ATP13A3: variants seen among roughly 807,000 people sequenced by gnomAD.
The protein encoded by ATP13A3 is polyamine-transporting ATPase 13A3.
Under a neutral mutation model 158.1 loss-of-function variants are expected in ATP13A3, and 59 were observed. The ratio of observed to expected loss-of-function variants is 0.37; its 90% CI spans 0.30 to 0.46. The LOEUF is 0.46. ATP13A3 is among the 20% of genes least tolerant of loss of function. ATP13A3 has a pLI of 1.00. For synonymous variants in ATP13A3, 491 were observed against 504.3 expected, an observed-to-expected ratio of 0.97 and a Z score of 0.35; for missense variants, 1,166 against 1,525.2, an observed-to-expected ratio of 0.76 and a Z score of 3.92.
At chr3:194,437,609 AT>A in intron 17 of ATP13A3, 36 bp from the exon 18 acceptor site, 1 of 1,552,422 alleles carries the variant, frequency 6.4e-7, no homozygotes, top group Middle Eastern at 2.2e-4. Flanking sequence ...AATAGTACAG[AT>A]TAACTCTATT....
At position 194,419,872 on chromosome 3, in the gene ATP13A3, G is replaced by A. The variant is rs184883864; in HGVS notation, c.3402+7C>T. 14 of 1,562,184 alleles carry A rather than the reference G, an allele frequency of 9.0e-6. No homozygotes were observed. The highest frequency in any genetic ancestry group is 1.2e-5 in the Non-Finnish European group (14 of 1,165,736). On this transcript the variant is annotated splice_region_variant and intron_variant, in intron 31 of 33. Coordinates refer to ENST00000645319, the MANE Select transcript of ATP13A3 (RefSeq NM_001367549.1). ...TTCCCCAAACAAATGATGTGCTTAA[G>A]TCTTACCTGAAGAACCTGGTCAACA...
intron 29 of ATP13A3, 95 bp from the exon 30 acceptor site, chr3:194,425,624 TAACA>T (rs1205210441): frequency 6.5e-5 from 62 of 948,142 alleles, no homozygotes; most frequent in Admixed American, 1.0e-4. Context: ...ATCACTATCA[TAACA>T]AATAGAAATA....
chr3:194,417,396 G>GATACACAC (rs1553795703), intron 31 of ATP13A3, among the ~76,000 whole-genome samples: 1 of 118,054 alleles, frequency 8.5e-6, no homozygotes, highest in Admixed American at 9.0e-5. Context: ...GCCAGATTCT[G>GATACACAC]ACACACACAC....
intron 31 of ATP13A3, among the ~76,000 whole-genome samples, chr3:194,414,067 G>A (rs1211600835): frequency 6.6e-6 from 1 of 152,090 alleles, no homozygotes; most frequent in Non-Finnish European, 1.5e-5. Context: ...AAGTGACTGA[G>A]GTTAGAGTCA....
chr3:194,455,836 C>A (rs947438707), intron 8 of ATP13A3, 57 bp downstream of exon 8: 3 of 1,070,244 alleles, frequency 2.8e-6, no homozygotes, highest in Non-Finnish European at 2.7e-6. Context: ...CAACTCATTC[C>A]AAATTGACAC....
chr3:194,430,592 T>C (rs1199470360), intron 24 of ATP13A3, among the ~76,000 whole-genome samples: 1 of 152,216 alleles, frequency 6.6e-6, no homozygotes, highest in Non-Finnish European at 1.5e-5. Context: ...GCAAAGCGCT[T>C]GTGCCTACAG....
At chr3:194,457,640 A>G (rs1719322929) in intron 6 of ATP13A3, among the ~76,000 whole-genome samples, 1 of 152,154 alleles carries the variant, frequency 6.6e-6, no homozygotes, top group East Asian at 1.9e-4. Context: ...CATCTCCATA[A>G]AAGCATCAAG....
At chr3:194,409,928 T>A (rs566872381) in intron 33 of ATP13A3, among the ~76,000 whole-genome samples, 2 of 152,006 alleles carry the variant, frequency 1.3e-5, no homozygotes, top group Non-Finnish European at 2.9e-5. Context: ...AATGAAAGTA[T>A]GTCACTTTGT....
chr3:194,453,836 A>G, intron 9 of ATP13A3, 58 bp from the exon 10 acceptor site: 1 of 1,314,972 alleles, frequency 7.6e-7, no homozygotes, highest in Admixed American at 1.9e-5. Context: ...CTCAGGAAAA[A>G]AGCCAGAGTG....
Position 194,419,913 on chromosome 3 carries a change from A to C in ATP13A3, c.3368T>G (p.Leu1123Trp), listed in dbSNP as rs1235934554. ...FLYIFILFIM[L>W]YPVASVDQVL... Reference sequence around the variant, plus strand: ...CTGGTCAACAGAGGCAACTGGATACAACATGATGAATAATATAAAAATATA... The same window carrying C: ...CTGGTCAACAGAGGCAACTGGATACCACATGATGAATAATATAAAAATATA... The change falls in exon 31 of 34, where the codon TTG (leucine) becomes TGG (tryptophan). Residue 1123 changes from leucine to tryptophan, a missense_variant. Physicochemically the swap from Leu to Trp is moderately conservative, Grantham distance 61 (BLOSUM62 -2). This residue lies in a region of ATP13A3 where 997 missense variants were observed against 1,341.2 expected (regional missense o/e 0.74). Transcript: ENST00000645319. 13 of 1,557,582 alleles carry C rather than the reference A, an allele frequency of 8.3e-6. No individual in the cohort carries two copies. Among genetic ancestry groups the C allele is most frequent in the Non-Finnish European group, 1.1e-5 (13 of 1,162,264 alleles).
chr3:194,483,195 G>A (rs1375711196), intron 2 of ATP13A3, among the ~76,000 whole-genome samples: 9 of 151,872 alleles, frequency 5.9e-5, no homozygotes, highest in African/African-American at 2.2e-4. Context: ...GAGGCAGGAA[G>A]GTCGCCTGAG....
chr3:194,490,964 GGTGA>G (rs1391510666), upstream of ATP13A3, among the ~76,000 whole-genome samples: 4 of 152,190 alleles, frequency 2.6e-5, no homozygotes, highest in African/African-American at 9.7e-5. This position sits in a 1 kb window ranked among gnomAD's most constrained non-coding sequence, Gnocchi z 4.4. Context: ...TGGCCAACAT[GGTGA>G]AACCCCATCC....
rs777903998 is a variant in ATP13A3, at chr3:194,460,707, C to T, written c.176G>A (p.Cys59Tyr). The change falls in exon 4 of 34, where the codon TGT becomes TAT. Residue 59 changes from cysteine to tyrosine, a missense_variant. Cys to Tyr is a radical substitution (Grantham distance 194). Transcript: ENST00000645319. Reference protein sequence around the residue: ...WMPEWRVKATCVRAAIKDCEV... With the variant: ...WMPEWRVKATYVRAAIKDCEV... ...ACAGTCTTTAATTGCAGCTCTGACACAGGTCGCTTTCACCCGCCACTCAGG... is the reference window on the plus strand; with the variant it reads ...ACAGTCTTTAATTGCAGCTCTGACATAGGTCGCTTTCACCCGCCACTCAGG... 1 of 1,614,018 alleles carries T rather than the reference C, an allele frequency of 6.2e-7. No homozygotes were observed. Among genetic ancestry groups the T allele is most frequent in the Non-Finnish European group, 8.5e-7 (1 of 1,180,016 alleles).
At position 194,421,130 on chromosome 3, in the gene ATP13A3, A is replaced by AAAC. The variant is rs1287251070; in HGVS notation, c.3314-1164_3314-1163insGTT. On this transcript the variant is annotated intron_variant, in intron 30 of 33. Transcript: ENST00000645319. ...GTGTAGGGTGTATATATATATATAT[A>AAAC]TATATAGTATATATATATATATATA... Among the ~76,000 whole-genome samples, 3 of 38,484 alleles carry AAAC rather than the reference A, an allele frequency of 7.8e-5. 1 individual carries two copies. Among genetic ancestry groups the AAAC allele is most frequent in the Non-Finnish European group, 1.2e-4 (3 of 25,510 alleles). 25.2% of individuals were successfully genotyped at this position (38,484 alleles called of 152,430 possible). A position where few individuals can be genotyped will look rare whatever the true frequency, so the allele number is the denominator to read the frequency against.
At chr3:194,421,914 C>T (rs957846218) in intron 30 of ATP13A3, among the ~76,000 whole-genome samples, 7 of 136,392 alleles carry the variant, frequency 5.1e-5, no homozygotes, top group Admixed American at 3.0e-4. Flanking sequence ...AACAGATTTG[C>T]GACCTGGTTC....
chr3:194,485,117 G>C (rs1241838746), intron 2 of ATP13A3, among the ~76,000 whole-genome samples: 1 of 151,558 alleles, frequency 6.6e-6, no homozygotes, highest in Non-Finnish European at 1.5e-5. Context: ...CCAATCCCCT[G>C]ACCAAAGCCA....
At chr3:194,426,560 A>G (rs1386144652) in intron 29 of ATP13A3, among the ~76,000 whole-genome samples, 1 of 152,198 alleles carries the variant, frequency 6.6e-6, no homozygotes, top group Non-Finnish European at 1.5e-5. Context: ...AGGCTCAGTA[A>G]CAAATTAAGA....
chr3:194,436,755 C>T (rs1560087884), intron 20 of ATP13A3, among the ~76,000 whole-genome samples: 1 of 152,186 alleles, frequency 6.6e-6, no homozygotes, highest in Admixed American at 6.5e-5. Context: ...GGATGAGGCA[C>T]AAGAATTGCT....
intron 10 of ATP13A3, chr3:194,450,497 C>G (rs961010413): frequency 8.2e-6 from 4 of 485,064 alleles, no homozygotes. Flanking sequence ...AGCTGTGCAC[C>G]GGTGATGCCA....
Sources: gnomAD v4.1 joint callset for allele counts (sites outside exome capture counted in the v4.1 genomes callset) on GRCh38, gnomAD v4.1.1 for gene constraint, gnomAD v4.1.1 regional missense constraint, Gnocchi (gnomAD v3.1) non-coding constraint, MANE v1.5 for transcripts, NCBI Gene and HGNC (gene_info 2026-07-23, HGNC 2026-07-21) for gene names.